MEIS1: variants seen among roughly 807,000 people sequenced by gnomAD.
MEIS1 encodes the protein homeobox protein Meis1.
MEIS1 carries 5 observed loss-of-function variants against 50.8 expected under a neutral mutation model. The observed-to-expected ratio is 0.10, with a 90% confidence interval of 0.05 to 0.21. The LOEUF (loss-of-function observed/expected upper bound fraction) is 0.21, where lower values mean the gene tolerates loss of function less well. Ranked by LOEUF, MEIS1 falls within the 10% of genes least tolerant of loss-of-function variation. The pLI, the probability that MEIS1 is intolerant of heterozygous loss-of-function variation, is 1.00. For missense variants in MEIS1, 318 were observed against 517.3 expected (o/e 0.61, Z 3.74); for synonymous variants, 176 against 179.3 (o/e 0.98, Z 0.15).
intron 6 of MEIS1, among the ~76,000 whole-genome samples, chr2:66,450,161 C>A (rs562875341): frequency 6.6e-6 from 1 of 152,232 alleles, no homozygotes; most frequent in African/African-American, 2.4e-5. Flanking sequence ...TAATGGAGGA[C>A]AAATAAGTTG....
At chr2:66,571,149 G>C (rs984750777) in intron 12 of MEIS1, 97 bp from the exon 13 acceptor site, 5 of 1,213,150 alleles carry the variant, frequency 4.1e-6, no homozygotes, top group Non-Finnish European at 4.6e-6. Flanking sequence ...CTTAATCACA[G>C]GGTTCTCTGG....
chr2:66,489,140 G>T (rs564736040), intron 7 of MEIS1, among the ~76,000 whole-genome samples: 1 of 152,326 alleles, frequency 6.6e-6, no homozygotes, highest in East Asian at 1.9e-4. Flanking sequence ...TAAAGAGTAA[G>T]CTCTTTCCAT....
intron 9 of MEIS1, among the ~76,000 whole-genome samples, chr2:66,558,824 C>G (rs1486172877): frequency 6.6e-6 from 1 of 152,084 alleles, no homozygotes; most frequent in African/African-American, 2.4e-5. Context: ...CAAAGGTACT[C>G]CAATATGGAG....
At chr2:66,562,098 A>G (rs566641415) in intron 9 of MEIS1, 11 of 120,258 alleles carry the variant, frequency 9.1e-5, no homozygotes, top group African/African-American at 3.6e-4. Context: ...AGAGAGCCAT[A>G]CAAGGGAGGA....
chr2:66,527,808 C>T (rs1470146649), intron 8 of MEIS1, among the ~76,000 whole-genome samples: 2 of 152,120 alleles, frequency 1.3e-5, no homozygotes, highest in Admixed American at 6.5e-5. Context: ...TGTTACCCAC[C>T]ATAAATCATG....
chr2:66,501,245 C>G (rs1230551651), intron 7 of MEIS1, among the ~76,000 whole-genome samples: 3 of 151,992 alleles, frequency 2.0e-5, no homozygotes, highest in African/African-American at 7.2e-5. Context: ...ACTGTTTTAC[C>G]TTTGCACTTG....
At chr2:66,551,067 T>A (rs1285382929) in intron 9 of MEIS1, among the ~76,000 whole-genome samples, 1 of 152,136 alleles carries the variant, frequency 6.6e-6, no homozygotes, top group East Asian at 1.9e-4. Flanking sequence ...TGAGTGTAGA[T>A]CAGTCATAAT....
rs1675281545 is a variant in MEIS1 at position 66,564,093 on chromosome 2, A to T, written c.966-3360A>T. On this transcript the variant is annotated intron_variant, in intron 9 of 12. Coordinates refer to ENST00000272369, the MANE Select transcript of MEIS1 (RefSeq NM_002398.3). ...CTATATGTACTAATGATATTTCATTATATTGAATTTTTTAAATTAAATGTT... is the reference window on the plus strand; with the variant it reads ...CTATATGTACTAATGATATTTCATTTTATTGAATTTTTTAAATTAAATGTT... 2.0e-5 allele frequency among the ~76,000 whole-genome samples: 3 copies of T among 152,346 alleles called. No homozygotes were observed. In the South Asian group the frequency reaches 6.2e-4, roughly 32 times the overall value.
At position 66,562,426 on chromosome 2, in the gene MEIS1, T is replaced by C. The variant is rs183164416; in HGVS notation, c.966-5027T>C. 3.2e-3 allele frequency among the ~76,000 whole-genome samples: 481 copies of C among 151,672 alleles called. 1 individual carries two copies. The highest frequency in any genetic ancestry group is 4.8e-3 in the Non-Finnish European group (323 of 67,900). On this transcript the variant is annotated intron_variant, in intron 9 of 12. Transcript: ENST00000272369. ...AAAAAAGCCTAATGATAAATAAACA[T>C]CTGGGGACAAAAAAGAAAGAACAAA...
At chr2:66,462,452 T>C (rs1179311780) in intron 6 of MEIS1, among the ~76,000 whole-genome samples, 1 of 152,224 alleles carries the variant, frequency 6.6e-6, no homozygotes, top group African/African-American at 2.4e-5. Flanking sequence ...TGCCATTTTC[T>C]CTTTCTAATT....
chr2:66,510,533 T>C (rs965799436), intron 7 of MEIS1, among the ~76,000 whole-genome samples: 9 of 152,200 alleles, frequency 5.9e-5, no homozygotes, highest in African/African-American at 1.9e-4. Context: ...ATAATAAAAT[T>C]ACAGATTTTT....
intron 8 of MEIS1, among the ~76,000 whole-genome samples, chr2:66,525,079 G>A (rs1024599263): frequency 2.0e-5 from 3 of 152,042 alleles, no homozygotes; most frequent in Admixed American, 6.6e-5. Flanking sequence ...CTGGTGTGGC[G>A]GGGCACGCTT....
At position 66,435,855 on chromosome 2, in the gene MEIS1, CGATGG is replaced by C; in HGVS notation, c.-1_4del. 6.4e-7 allele frequency: 1 copy of C among 1,570,226 alleles called. No homozygotes were observed. The highest frequency in any genetic ancestry group is 8.6e-7 in the Non-Finnish European group (1 of 1,162,380). ...GAAGTAGGAAGGGAGCCAGAGAGGC[CGATGG>C]CGCAAAGGGTACGTATTAAAAAACA... On this transcript the variant is annotated start_lost and 5_prime_UTR_variant, in exon 1 of 13. Coordinates refer to ENST00000272369, the MANE Select transcript of MEIS1 (RefSeq NM_002398.3).
In MEIS1 at chr2:66,481,940, C is replaced by T. The variant is rs541612310; in HGVS notation, c.742+17720C>T. Among the ~76,000 whole-genome samples the T allele has an allele frequency of 1.7e-4, 25 of 150,148 alleles. No homozygotes were observed. In the East Asian group the frequency reaches 4.9e-3, roughly 30 times the overall value. ...CGTGATCTCGGCTTACTGCAACCTC[C>T]GCCTTCCAGTTTCAAGTGATTCTCC... On this transcript the variant is annotated intron_variant, in intron 7 of 12. Coordinates refer to ENST00000272369, the MANE Select transcript of MEIS1 (RefSeq NM_002398.3).
chr2:66,554,178 G>T (rs1371211286), intron 9 of MEIS1, among the ~76,000 whole-genome samples: 4 of 152,196 alleles, frequency 2.6e-5, no homozygotes, highest in African/African-American at 4.8e-5. Context: ...GATTTACCCA[G>T]CAGGGACCCA....
rs113507218 is a variant in MEIS1, at chr2:66,472,663, A to G, written c.742+8443A>G. 3.3e-5 allele frequency among the ~76,000 whole-genome samples: 5 copies of G among 152,316 alleles called. 2 individuals carry two copies. Among genetic ancestry groups the G allele is most frequent in the African/African-American group, 1.2e-4 (5 of 41,562 alleles). ...TCCGTGGTCAGGCCTGCTGGATGAA[A>G]CACAGCGTGGTGGGTATTAGGTTCA... On this transcript the variant is annotated intron_variant, in intron 7 of 12. Transcript: ENST00000272369.
intron 7 of MEIS1, among the ~76,000 whole-genome samples, chr2:66,471,530 T>G (rs1672760236): frequency 6.6e-6 from 1 of 152,230 alleles, no homozygotes; most frequent in South Asian, 2.1e-4. Context: ...CGGTGTGACT[T>G]GTAGCACATC....
intron 10 of MEIS1, 67 bp from the exon 11 acceptor site, chr2:66,568,600 C>T: frequency 8.4e-7 from 1 of 1,197,416 alleles, no homozygotes; most frequent in Non-Finnish European, 1.2e-6. Context: ...TCCTCTTAGT[C>T]TCTCTTGGGC....
chr2:66,495,415 T>A (rs1020362589), intron 7 of MEIS1, among the ~76,000 whole-genome samples: 6 of 152,190 alleles, frequency 3.9e-5, no homozygotes, highest in Non-Finnish European at 8.8e-5. Flanking sequence ...TGCTCTTTCC[T>A]TAAGCTATCT....
Sources: allele counts gnomAD v4.1 joint callset (sites outside exome capture counted in the v4.1 genomes callset), GRCh38; gene constraint gnomAD v4.1.1; transcripts MANE v1.5; gene names NCBI Gene and HGNC (gene_info 2026-07-23, HGNC 2026-07-21).